CPEB4: variants seen among roughly 807,000 people sequenced by gnomAD.
The protein encoded by CPEB4 is cytoplasmic polyadenylation element binding protein 4.
CPEB4 carries 12 observed loss-of-function variants against 72.5 expected under a neutral mutation model. The ratio of observed to expected loss-of-function variants is 0.17; its 90% CI spans 0.11 to 0.27. The LOEUF (loss-of-function observed/expected upper bound fraction) is 0.27. CPEB4 is among the 10% of genes least tolerant of loss of function. The pLI is 1.00. For synonymous variants in CPEB4, 302 were observed against 326.3 expected, an observed-to-expected ratio of 0.93 and a Z score of 0.80; for missense variants, 614 against 908.5, an observed-to-expected ratio of 0.68 and a Z score of 4.17.
At chr5:173,923,841 G>C (rs955197515) in intron 2 of CPEB4, among the ~76,000 whole-genome samples, 10 of 151,970 alleles carry the variant, frequency 6.6e-5, no homozygotes, top group African/African-American at 2.4e-4. Context: ...TTGTTGCTCT[G>C]TCCTCTAAAT....
intron 3 of CPEB4, among the ~76,000 whole-genome samples, chr5:173,934,777 G>A (rs10516109): frequency 0.1 from 15,631 of 152,190 alleles, 1,052 homozygotes; most frequent in Middle Eastern, 0.21. Context: ...CTTGAAAGTC[G>A]TGAAATTAAA....
At chr5:173,917,807 A>G (rs575219814) in intron 2 of CPEB4, among the ~76,000 whole-genome samples, 1 of 152,220 alleles carries the variant, frequency 6.6e-6, no homozygotes, top group Non-Finnish European at 1.5e-5. Context: ...TCTCCTTCCA[A>G]GTAAATTATT....
Position 173,900,861 on chromosome 5 carries a change from T to C in CPEB4, c.1126-9662T>C, listed in dbSNP as rs1369820116. On this transcript the variant is annotated intron_variant, in intron 1 of 9. Transcript: ENST00000265085. The surrounding 1 kb of genome is among the most constrained non-coding windows in gnomAD (Gnocchi z 4.4). ...ATACCTTATCTCACTGGCTTTTCAC[T>C]ACAGATTTATAAGGGAGGTGCTATT... 6.6e-6 allele frequency among the ~76,000 whole-genome samples: 1 copy of C among 152,184 alleles called. No individual in the cohort carries two copies. Among genetic ancestry groups the C allele is most frequent in the Non-Finnish European group, 1.5e-5 (1 of 68,022 alleles).
rs370239912 is a variant in CPEB4, at chr5:173,889,881, G to A, written c.148G>A (p.Ala50Thr). The A allele has an allele frequency of 6.2e-7, 1 of 1,614,032 alleles. No individual in the cohort carries two copies. Among genetic ancestry groups the A allele is most frequent in the African/African-American group, 1.3e-5 (1 of 74,994 alleles). ...SPAAFINNNT[A>T]ANGSSAGSAW... ...TGCTGCTTTTATAAATAATAACACA[G>A]CTGCCAATGGCAGCAGTGCTGGGTC... The change falls in exon 1 of 10, where the codon GCT becomes ACT. Residue 50 changes from alanine (A) to threonine (T), a missense_variant. Ala to Thr is a moderately conservative substitution (Grantham distance 58). Around this residue, in one of 5 missense-constraint regions of CPEB4, gnomAD observed 458 missense variants for 548.6 expected, o/e 0.83. Transcript: ENST00000265085.
chr5:173,919,380 A>G (rs993285426), intron 2 of CPEB4, among the ~76,000 whole-genome samples: 1 of 152,218 alleles, frequency 6.6e-6, no homozygotes, highest in Admixed American at 6.5e-5. Flanking sequence ...TCAATGATAA[A>G]TATTAGGGAC....
At position 173,890,078 on chromosome 5, in the gene CPEB4, A is replaced by G; in HGVS notation, c.345A>G (p.Ser115=). The change falls in exon 1 of 10, where the codon TCA becomes TCG. Residue 115 remains serine, a synonymous_variant. Transcript: ENST00000265085. The part of the protein sequence containing the change: ...GILPETEKAK[S]EENQGDNSSE... ...TGCCTGAAACAGAGAAGGCAAAATC[A>G]GAAGAAAATCAAGGGGACAATTCTT... is the stretch of plus-strand genomic sequence containing the variant. The G allele has an allele frequency of 1.2e-6, 2 of 1,614,148 alleles. No homozygotes were observed. The highest frequency in any genetic ancestry group is 1.7e-6 in the Non-Finnish European group (2 of 1,180,014).
At chr5:173,934,315 A>AT (rs1174516780) in intron 3 of CPEB4, among the ~76,000 whole-genome samples, 1 of 152,194 alleles carries the variant, frequency 6.6e-6, no homozygotes, top group Admixed American at 6.5e-5. Flanking sequence ...TTCCCAAAAT[A>AT]TTTATGTTTT....
At chr5:173,937,185 G>T (rs1400651732) in intron 3 of CPEB4, among the ~76,000 whole-genome samples, 2 of 151,928 alleles carry the variant, frequency 1.3e-5, no homozygotes, top group Admixed American at 1.3e-4. Flanking sequence ...TGAGATTACA[G>T]GCACCTGCCA....
chr5:173,952,860 G>A (rs986079179), intron 8 of CPEB4, among the ~76,000 whole-genome samples: 1 of 152,132 alleles, frequency 6.6e-6, no homozygotes, highest in African/African-American at 2.4e-5. Context: ...ACTTCATATA[G>A]TTGTGAGAAG....
chr5:173,910,529 C>T lies in CPEB4; in HGVS notation c.1132C>T (p.Pro378Ser), dbSNP rs551244961. ...TGGCTGTTTGTGTCTACAGGATCGCCCCAGGACATTCGACATGCACTCACT... is the reference window on the plus strand; with the variant it reads ...TGGCTGTTTGTGTCTACAGGATCGCTCCAGGACATTCGACATGCACTCACT... ...ADNIFPFPDR[P>S]RTFDMHSLES... The change falls in exon 2 of 10, where the codon CCC becomes TCC. Residue 378 changes from proline to serine, a missense_variant. By Grantham distance (74) the Pro-to-Ser change is moderately conservative. Coordinates refer to ENST00000265085, the MANE Select transcript of CPEB4 (RefSeq NM_030627.4). The T allele has an allele frequency of 6.2e-7, 1 of 1,612,710 alleles. No homozygotes were observed. The highest frequency in any genetic ancestry group is 8.5e-7 in the Non-Finnish European group (1 of 1,178,974).
rs1460530831 is a variant in CPEB4, at chr5:173,955,129, C to T, written c.1963-781C>T. ...AGGGAGTTTCAGCCATGAATCTCTC[C>T]AGACTAAAAATAACCAGCTCTTTTC... On this transcript the variant is annotated intron_variant, in intron 9 of 9. Transcript: ENST00000265085. The surrounding 1 kb of genome is among the most constrained non-coding windows in gnomAD (Gnocchi z 4.7). 6.6e-6 allele frequency among the ~76,000 whole-genome samples: 1 copy of T among 152,150 alleles called. No homozygotes were observed. Among genetic ancestry groups the T allele is most frequent in the African/African-American group, 2.4e-5 (1 of 41,426 alleles).
At chr5:173,943,559 T>C (rs1757919815) in intron 4 of CPEB4, among the ~76,000 whole-genome samples, 1 of 152,136 alleles carries the variant, frequency 6.6e-6, no homozygotes, top group Non-Finnish European at 1.5e-5. Flanking sequence ...GGGGAAAAGC[T>C]CTAGAAATTT....
intron 1 of CPEB4, among the ~76,000 whole-genome samples, chr5:173,896,985 GTTGA>G (rs1756038435): frequency 1.3e-5 from 2 of 152,158 alleles, no homozygotes; most frequent in African/African-American, 4.8e-5. Flanking sequence ...GCCATATTAG[GTTGA>G]TTAACTTTTT....
chr5:173,896,689 A>C (rs1359167756), intron 1 of CPEB4, among the ~76,000 whole-genome samples: 1 of 152,238 alleles, frequency 6.6e-6, no homozygotes, highest in Non-Finnish European at 1.5e-5. Flanking sequence ...AGCTTTAAAA[A>C]TTTTGTCTCT....
chr5:173,900,490 A>G lies in CPEB4; in HGVS notation c.1125+9632A>G, dbSNP rs370614473. 5.2e-4 allele frequency among the ~76,000 whole-genome samples: 79 copies of G among 152,296 alleles called. 1 individual carries two copies. The highest frequency in any genetic ancestry group is 6.9e-3 in the Middle Eastern group (2 of 288). On this transcript the variant is annotated intron_variant, in intron 1 of 9. Coordinates refer to ENST00000265085, the MANE Select transcript of CPEB4 (RefSeq NM_030627.4). This position sits in a 1 kb window ranked among gnomAD's most constrained non-coding sequence, Gnocchi z 4.4. ...CTCAGACCTAGCAGACATGGAGAAC[A>G]GGAACTCTAACAGCCAGTTGAGGTC... is the stretch of plus-strand genomic sequence containing the variant.
At chr5:173,914,060 G>GT (rs1756775943) in intron 2 of CPEB4, among the ~76,000 whole-genome samples, 1 of 152,322 alleles carries the variant, frequency 6.6e-6, no homozygotes, top group South Asian at 2.1e-4. Context: ...AAGCTTGTGT[G>GT]TTTTTTCCTA....
At chr5:173,947,434 C>T (rs72812837) in intron 5 of CPEB4, among the ~76,000 whole-genome samples, 1,910 of 152,008 alleles carry the variant, frequency 0.013, 20 homozygotes, top group Middle Eastern at 0.044. Flanking sequence ...AGCAGCAGTA[C>T]GTATGGTATC....
At chr5:173,937,019 C>CTTTTTT (rs150187685) in intron 3 of CPEB4, among the ~76,000 whole-genome samples, 2 of 97,214 alleles carry the variant, frequency 2.1e-5, no homozygotes, top group African/African-American at 4.1e-5. Context: ...CATTTCTTTC[C>CTTTTTT]TTTTTTTTTT....
At chr5:173,906,086 T>C (rs547822687) in intron 1 of CPEB4, among the ~76,000 whole-genome samples, 1 of 152,328 alleles carries the variant, frequency 6.6e-6, no homozygotes, top group African/African-American at 2.4e-5. Context: ...ACAGTTAATC[T>C]TTGGGAAATG....
Sources: gnomAD v4.1 joint callset for allele counts (sites outside exome capture counted in the v4.1 genomes callset) on GRCh38, gnomAD v4.1.1 for gene constraint, gnomAD v4.1.1 regional missense constraint, Gnocchi (gnomAD v3.1) non-coding constraint, MANE v1.5 for transcripts, NCBI Gene and HGNC (gene_info 2026-07-23, HGNC 2026-07-21) for gene names.